Variants in SPG7 observed in about 807,000 individuals in gnomAD.
SPG7 encodes the protein mitochondrial inner membrane m-AAA protease component paraplegin.
In SPG7, 103 loss-of-function variants were observed where a neutral mutation model predicts 81.9. The ratio of observed to expected loss-of-function variants is 1.26; its 90% confidence interval spans 1.07 to 1.48. The LOEUF (loss-of-function observed/expected upper bound fraction) is 1.48. SPG7 is among the 40% of genes most tolerant of loss of function. The probability of loss-of-function intolerance (pLI) is 0.00; values close to 1 mark genes in which losing one functional copy is unlikely to be tolerated. For missense variants in SPG7, 1,241 were observed against 1,087.3 expected (o/e 1.14, Z -1.99); for synonymous variants, 534 against 444.2 (o/e 1.20, Z -2.54).
rs2058400281 is a variant in SPG7 at position 89,535,415 on chromosome 16, A to G, written c.1324+2779A>G. Among the ~76,000 whole-genome samples, 3 of 152,196 alleles carry G rather than the reference A, an allele frequency of 2.0e-5. No homozygotes were observed. In the South Asian group the frequency reaches 6.2e-4, roughly 32 times the overall value. ...AGAAGATGAAAGTGAGATTCCCGACAGTGTGCAGGACGCAACGACGTTTGC... is the reference window on the plus strand; with the variant it reads ...AGAAGATGAAAGTGAGATTCCCGACGGTGTGCAGGACGCAACGACGTTTGC... On this transcript the variant is annotated intron_variant, in intron 9 of 16. Coordinates refer to ENST00000645818, the MANE Select transcript of SPG7 (RefSeq NM_003119.4).
chr16:89,535,348 T>G (rs2058398892), intron 9 of SPG7, among the ~76,000 whole-genome samples: 11 of 152,198 alleles, frequency 7.2e-5, no homozygotes, highest in Admixed American at 7.2e-4. Flanking sequence ...GGTAGACTGA[T>G]GCCCACAGAA....
At chr16:89,532,284 G>A (rs574172850) in intron 8 of SPG7, among the ~76,000 whole-genome samples, 179 bp from the exon 9 acceptor site, 27 of 152,346 alleles carry the variant, frequency 1.8e-4, no homozygotes, top group East Asian at 1.5e-3. Flanking sequence ...AGCACGGTGC[G>A]TGTGAACCCT....
chr16:89,536,834 C>T (rs771624574), intron 9 of SPG7: 14 of 1,614,058 alleles, frequency 8.7e-6, no homozygotes, highest in Middle Eastern at 1.6e-4. Flanking sequence ...CCCGCCTGCT[C>T]CTGTCTCACG....
At chr16:89,515,936 C>T (rs985448393) in intron 3 of SPG7, among the ~76,000 whole-genome samples, 6 of 151,712 alleles carry the variant, frequency 4.0e-5, no homozygotes, top group Admixed American at 1.3e-4. Flanking sequence ...CTCAAACTCC[C>T]GATGTCAGGC....
chr16:89,554,056 G>A, intron 15 of SPG7, 96 bp downstream of exon 15: 1 of 1,349,714 alleles, frequency 7.4e-7, no homozygotes, highest in Non-Finnish European at 1.0e-6. Flanking sequence ...CGCCCCAGCG[G>A]AGCTCAGCTG....
chr16:89,544,483 C>T (rs927527761), intron 9 of SPG7, 165 bp from the exon 10 acceptor site: 13 of 740,198 alleles, frequency 1.8e-5, no homozygotes, highest in African/African-American at 8.7e-5. Context: ...TGGCTGGGAG[C>T]GATGGGGGAT....
At chr16:89,533,521 CT>C (rs1449755787) in intron 9 of SPG7, 2 of 152,040 alleles carry the variant, frequency 1.3e-5, no homozygotes, top group Non-Finnish European at 2.9e-5. Context: ...CCCAGAGGGA[CT>C]GCTAGACAGA....
intron 2 of SPG7, 37 bp downstream of exon 2, chr16:89,510,629 G>T (rs756842460): frequency 7.9e-7 from 1 of 1,270,544 alleles, no homozygotes; most frequent in South Asian, 1.2e-5. Context: ...GAGCATGACT[G>T]CACACTTACC....
At chr16:89,521,249 T>C (rs2058183824) in intron 3 of SPG7, 1 of 152,292 alleles carries the variant, frequency 6.6e-6, no homozygotes, top group African/African-American at 2.4e-5. Context: ...ATGATGGGGC[T>C]AGGCTCTCCC....
At position 89,526,472 on chromosome 16, in the gene SPG7, T is replaced by G; in HGVS notation, c.758+4T>G. 6.2e-7 allele frequency: 1 copy of G among 1,614,162 alleles called. No homozygotes were observed. Among genetic ancestry groups the G allele is most frequent in the Non-Finnish European group, 8.5e-7 (1 of 1,180,030 alleles). On this transcript the variant is annotated splice_donor_region_variant and intron_variant, in intron 5 of 16. Transcript: ENST00000645818. ...AGCGAACAGGATTCTTTGGAAAGTA[T>G]GTTGGATGTATTTGTTGATGCTTGA... is the stretch of plus-strand genomic sequence containing the variant.
At chr16:89,528,157 G>A (rs553588193) in intron 5 of SPG7, among the ~76,000 whole-genome samples, 9 of 151,708 alleles carry the variant, frequency 5.9e-5, no homozygotes, top group Admixed American at 3.3e-4. Context: ...TTGGGAGGCC[G>A]AGGCGGGCAG....
chr16:89,508,905 A>G (rs781760939), intron 1 of SPG7: 3 of 588,466 alleles, frequency 5.1e-6, no homozygotes, highest in Admixed American at 2.2e-5. Context: ...AGTGGAATCC[A>G]GTAACGGTTT....
chr16:89,514,206 A>C (rs773679547), intron 3 of SPG7: 1 of 150,602 alleles, frequency 6.6e-6, no homozygotes, highest in African/African-American at 2.5e-5. Flanking sequence ...ACTCAGAACT[A>C]TCTTCTAAAA....
intron 11 of SPG7, 109 bp downstream of exon 11, chr16:89,546,869 C>T: frequency 2.6e-6 from 2 of 761,052 alleles, no homozygotes; most frequent in Non-Finnish European, 4.7e-6. Context: ...TGCTCCTTCT[C>T]TGGGGGCCTC....
chr16:89,527,894 G>A (rs1414316005), intron 5 of SPG7, among the ~76,000 whole-genome samples: 4 of 151,466 alleles, frequency 2.6e-5, no homozygotes, highest in Non-Finnish European at 4.4e-5. Context: ...CCACAAGTTC[G>A]AGACCAGTCT....
Position 89,526,149 on chromosome 16 carries a change from A to G in SPG7, c.619-180A>G, listed in dbSNP as rs187381310. Among the ~76,000 whole-genome samples the G allele has an allele frequency of 5.9e-5, 9 of 152,266 alleles. 1 individual carries two copies. Among genetic ancestry groups the G allele is most frequent in the African/African-American group, 2.2e-4 (9 of 41,550 alleles). On this transcript the variant is annotated intron_variant, in intron 4 of 16. Coordinates refer to ENST00000645818, the MANE Select transcript of SPG7 (RefSeq NM_003119.4). ...CATATTGCTTTTACACCATTGTAAA[A>G]TGGAAAGACCGTAAGTGGAACCGTC... is the stretch of plus-strand genomic sequence containing the variant.
chr16:89,511,806 A>G lies in SPG7; in HGVS notation c.287-1142A>G, dbSNP rs551239033. 2.0e-5 allele frequency among the ~76,000 whole-genome samples: 3 copies of G among 152,058 alleles called. No individual in the cohort carries two copies. The South Asian group carries it at 6.3e-4, about 32-fold the overall frequency. On this transcript the variant is annotated intron_variant, in intron 2 of 16. Coordinates refer to ENST00000645818, the MANE Select transcript of SPG7 (RefSeq NM_003119.4). Reference sequence around the variant, plus strand: ...GCAATCTCTACTCACTGCAGCTTCAACCTCCTGGGCCCAGGTTCTCCTCCC... The same window carrying G: ...GCAATCTCTACTCACTGCAGCTTCAGCCTCCTGGGCCCAGGTTCTCCTCCC...
At chr16:89,529,254 C>T (rs1226060192) in intron 5 of SPG7, 2 of 600,218 alleles carry the variant, frequency 3.3e-6, no homozygotes, top group Non-Finnish European at 6.0e-6. Flanking sequence ...GGCATCTGCA[C>T]ACTCAGTCTG....
At chr16:89,524,829 T>G (rs1278062576) in intron 4 of SPG7, among the ~76,000 whole-genome samples, 1 of 152,190 alleles carries the variant, frequency 6.6e-6, no homozygotes, top group Non-Finnish European at 1.5e-5. Flanking sequence ...GACCAGTGAT[T>G]AGGAAAGTGG....
Sources: gnomAD v4.1 joint callset for allele counts (sites outside exome capture counted in the v4.1 genomes callset) on GRCh38, gnomAD v4.1.1 for gene constraint, MANE v1.5 for transcripts, NCBI Gene and HGNC (gene_info 2026-07-23, HGNC 2026-07-21) for gene names.